Variants in KCNA6 observed in about 807,000 individuals in gnomAD.
The protein encoded by KCNA6 is human brain potassium channel-2.
A neutral mutation model predicts 29.5 loss-of-function variants in KCNA6; 17 were observed. That is an observed-to-expected ratio of 0.58 (90% CI 0.39 to 0.86). The LOEUF (loss-of-function observed/expected upper bound fraction) is 0.86. KCNA6 is among the 40% of genes least tolerant of loss of function. KCNA6 has a pLI of 0.00. For missense variants in KCNA6, 450 were observed against 703.4 expected, an observed-to-expected ratio of 0.64 and a Z score of 4.07; for synonymous variants, 296 against 304.7, an observed-to-expected ratio of 0.97 and a Z score of 0.30.
At chr12:4,821,339 C>T in the KCNA6 span, among the ~76,000 whole-genome samples, 4 of 152,122 alleles carry the variant, frequency 2.6e-5, no homozygotes, top group East Asian at 1.9e-4. Flanking sequence ...GGAAGGATCG[C>T]GTTCACCCAG....
At chr12:4,820,963 AGGGGTT>A in the KCNA6 span, among the ~76,000 whole-genome samples, 1 of 152,212 alleles carries the variant, frequency 6.6e-6, no homozygotes, top group Non-Finnish European at 1.5e-5. Context: ...CAGGAAGTCA[AGGGGTT>A]ATCTGAGTCT....
At chr12:4,836,836 C>T in the KCNA6 span, among the ~76,000 whole-genome samples, 367 of 152,254 alleles carry the variant, frequency 2.4e-3, no homozygotes, top group African/African-American at 8.3e-3. Context: ...GAGACATGCC[C>T]GGGTGGCTCG....
chr12:4,816,226 A>G (rs180925260), downstream of KCNA6, among the ~76,000 whole-genome samples: 419 of 149,816 alleles, frequency 2.8e-3, 8 homozygotes, highest in African/African-American at 1.0e-2. Flanking sequence ...GATCGTTGCT[A>G]TTCATGCACA....
chr12:4,816,249 GGTGTGTGTGTGTGTGTGTGTGTGTGT>G (rs59638657), downstream of KCNA6, among the ~76,000 whole-genome samples: 3 of 142,738 alleles, frequency 2.1e-5, no homozygotes, highest in South Asian at 2.4e-4. Flanking sequence ...ACCACGAACT[GGTGTGTGTGTGTGTGTGTGTGTGTGT>G]GTGTGTGTGT....
At position 4,811,202 on chromosome 12, in the gene KCNA6, C is replaced by T. The variant is rs761130331; in HGVS notation, c.1161C>T (p.Val387=). Residue 387 remains valine (V), a synonymous_variant, in exon 1 of 1, where the codon GTC becomes GTT. Coordinates refer to ENST00000280684, the Ensembl canonical transcript of KCNA6. This position sits in a 1 kb window ranked among gnomAD's most constrained non-coding sequence, Gnocchi z 7.1. Reference sequence around the variant, plus strand: ...TCATCTTCTTCCTCTTCATCGGGGTCATCCTCTTCTCCAGTGCCGTCTACT... The same window carrying T: ...TCATCTTCTTCCTCTTCATCGGGGTTATCCTCTTCTCCAGTGCCGTCTACT... 2.5e-6 allele frequency: 4 copies of T among 1,614,264 alleles called. No homozygotes were observed. In the East Asian group the frequency reaches 8.9e-5, roughly 36 times the overall value.
At chr12:4,827,210 T>C in the KCNA6 span, among the ~76,000 whole-genome samples, 1 of 138,572 alleles carries the variant, frequency 7.2e-6, no homozygotes, top group Non-Finnish European at 1.6e-5. Context: ...CCTTCCCTCC[T>C]TCCTTCCTTC....
chr12:4,842,241 T>C, the KCNA6 span, among the ~76,000 whole-genome samples: 13 of 152,250 alleles, frequency 8.5e-5, no homozygotes, highest in African/African-American at 2.6e-4. Flanking sequence ...AGGAGTTAAA[T>C]AGTCAAAGGA....
In KCNA6 at chr12:4,810,374, C is replaced by G; in HGVS notation, c.333C>G (p.Asn111Lys). Reference sequence around the variant, plus strand: ...GGGGCCGCCTGCGGAGGCCGGTCAACGTGCCCCTGGACATTTTCCTGGAGG... The same window carrying G: ...GGGGCCGCCTGCGGAGGCCGGTCAAGGTGCCCCTGGACATTTTCCTGGAGG... Residue 111 changes from asparagine (N) to lysine (K), a missense_variant, in exon 1 of 1, where the codon AAC becomes AAG. Around this residue, in one of 7 missense-constraint regions of KCNA6, gnomAD observed 133 missense variants for 217.5 expected, o/e 0.61. Coordinates refer to ENST00000280684, the Ensembl canonical transcript of KCNA6. The surrounding 1 kb of genome is among the most constrained non-coding windows in gnomAD (Gnocchi z 7.5). 6.2e-7 allele frequency: 1 copy of G among 1,614,184 alleles called. No homozygotes were observed. Among genetic ancestry groups the G allele is most frequent in the Non-Finnish European group, 8.5e-7 (1 of 1,180,038 alleles).
the KCNA6 span, among the ~76,000 whole-genome samples, chr12:4,831,464 TAGTC>T: frequency 1.3e-5 from 2 of 152,102 alleles, no homozygotes; most frequent in Non-Finnish European, 2.9e-5. Flanking sequence ...TAGAAACCGT[TAGTC>T]AGGAAAAAAA....
the KCNA6 span, among the ~76,000 whole-genome samples, chr12:4,835,341 A>G: frequency 2.6e-5 from 4 of 152,150 alleles, no homozygotes; most frequent in Non-Finnish European, 4.4e-5. Context: ...TCACCGTGTT[A>G]GCCAGGATGG....
At chr12:4,826,954 G>C in the KCNA6 span, among the ~76,000 whole-genome samples, 1 of 152,188 alleles carries the variant, frequency 6.6e-6, no homozygotes, top group East Asian at 1.9e-4. Flanking sequence ...TTTATCTACT[G>C]TCAAGCAATG....
Position 4,810,067 on chromosome 12 carries a change from T to A in KCNA6, c.26T>A (p.Leu9Gln). 2 of 1,544,616 alleles carry A rather than the reference T, an allele frequency of 1.3e-6. No individual in the cohort carries two copies. The highest frequency in any genetic ancestry group is 2.5e-5 in the South Asian group (2 of 80,700). ...ATGAGATCGGAGAAATCCCTTACGC[T>A]GGCGGCGCCGGGGGAGGTCCGTGGG... The change falls in exon 1 of 1, where the codon CTG becomes CAG. Residue 9 changes from leucine to glutamine, a missense_variant. Around this residue, in one of 7 missense-constraint regions of KCNA6, gnomAD observed 72 missense variants for 64.2 expected, o/e 1.12. Coordinates refer to ENST00000280684, the Ensembl canonical transcript of KCNA6. The surrounding 1 kb of genome is among the most constrained non-coding windows in gnomAD (Gnocchi z 7.5).
chr12:4,841,032 G>T, the KCNA6 span, among the ~76,000 whole-genome samples: 2 of 152,300 alleles, frequency 1.3e-5, no homozygotes, highest in African/African-American at 4.8e-5. Context: ...TAAGCAGGAA[G>T]AAAAAGAAAG....
At chr12:4,825,844 G>A in the KCNA6 span, among the ~76,000 whole-genome samples, 5 of 152,198 alleles carry the variant, frequency 3.3e-5, no homozygotes, top group South Asian at 2.1e-4. Flanking sequence ...AAATGAGGTC[G>A]TCTGCATGGC....
chr12:4,811,602 G>C lies in KCNA6; in HGVS notation c.1561G>C (p.Ala521Pro). 1 of 1,614,086 alleles carries C rather than the reference G, an allele frequency of 6.2e-7. No individual in the cohort carries two copies. Among genetic ancestry groups the C allele is most frequent in the Non-Finnish European group, 8.5e-7 (1 of 1,179,948 alleles). The stretch of plus-strand genomic sequence containing the variant: ...CCTTCCTACACCACATCGGGCCTAT[G>C]CAGAGAAAAGAATGCTCACGGAGGT... The change falls in exon 1 of 1, where the codon GCA (alanine) becomes CCA (proline). Residue 521 changes from alanine (A) to proline (P), a missense_variant. Physicochemically the swap from Ala to Pro is conservative, Grantham distance 27. Around this residue, in one of 7 missense-constraint regions of KCNA6, gnomAD observed 56 missense variants for 65.2 expected, o/e 0.86. Transcript: ENST00000280684. This position sits in a 1 kb window ranked among gnomAD's most constrained non-coding sequence, Gnocchi z 7.1.
the KCNA6 span, among the ~76,000 whole-genome samples, chr12:4,835,525 A>G: frequency 4.0e-5 from 6 of 151,762 alleles, no homozygotes; most frequent in Non-Finnish European, 7.4e-5. Flanking sequence ...TTATAAATGT[A>G]ATTCTAACCT....
the KCNA6 span, chr12:4,850,936 T>TGGGGCCCA: frequency 2.6e-6 from 1 of 390,892 alleles, no homozygotes; most frequent in East Asian, 7.3e-5. The surrounding 1 kb of genome is among the most constrained non-coding windows in gnomAD (Gnocchi z 5.4). Flanking sequence ...TCCCTAAAGA[T>TGGGGCCCA]GGGGCCCAGA....
the KCNA6 span, among the ~76,000 whole-genome samples, chr12:4,844,612 G>A: frequency 2.0e-5 from 3 of 152,156 alleles, no homozygotes; most frequent in South Asian, 6.2e-4. This position sits in a 1 kb window ranked among gnomAD's most constrained non-coding sequence, Gnocchi z 4.0. Context: ...GAAAGTGAAT[G>A]AGGAGGAGAG....
At chr12:4,830,395 C>A in the KCNA6 span, among the ~76,000 whole-genome samples, 2 of 152,212 alleles carry the variant, frequency 1.3e-5, no homozygotes, top group South Asian at 2.1e-4. Flanking sequence ...CTTCCTTCAC[C>A]CCTGCATCCC....
Sources: gnomAD v4.1 joint callset for allele counts (sites outside exome capture counted in the v4.1 genomes callset) on GRCh38, gnomAD v4.1.1 for gene constraint, gnomAD v4.1.1 regional missense constraint, Gnocchi (gnomAD v3.1) non-coding constraint, MANE v1.5 for transcripts, NCBI Gene and HGNC (gene_info 2026-07-23, HGNC 2026-07-21) for gene names.